Variants in CSNK1G1 observed in about 807,000 individuals in gnomAD.
CSNK1G1 encodes casein kinase I isoform gamma-1.
A neutral mutation model predicts 59.6 loss-of-function variants in CSNK1G1; 22 were observed. The ratio of observed to expected loss-of-function variants is 0.37; its 90% confidence interval spans 0.26 to 0.53. CSNK1G1 has a LOEUF of 0.53. CSNK1G1 is among the 20% of genes least tolerant of loss of function. The pLI is 0.89. For missense variants in CSNK1G1, 384 were observed against 519.5 expected, an observed-to-expected ratio of 0.74 and a Z score of 2.54; for synonymous variants, 179 against 177.1, an observed-to-expected ratio of 1.01 and a Z score of -0.08.
intron 2 of CSNK1G1, among the ~76,000 whole-genome samples, chr15:64,276,123 G>A (rs993828004): frequency 6.6e-6 from 1 of 152,060 alleles, no homozygotes; most frequent in Non-Finnish European, 1.5e-5. Flanking sequence ...CAAAAGAAAG[G>A]GAGAAGTTGA....
rs190238524 is a variant in CSNK1G1 at position 64,268,882 on chromosome 15, T to C, written c.182-9641A>G. ...ACAAATTATTGTAAAATTAAAATTC[T>C]AGCCTATGGTAATCATACATATGCA... is the stretch of plus-strand genomic sequence containing the variant. On this transcript the variant is annotated intron_variant, in intron 2 of 11. Transcript: ENST00000303052. Among the ~76,000 whole-genome samples, 33 of 152,334 alleles carry C rather than the reference T, an allele frequency of 2.2e-4. 1 individual carries two copies. Among genetic ancestry groups the C allele is most frequent in the Non-Finnish European group, 2.9e-5 (2 of 68,038 alleles).
chr15:64,203,454 T>C lies in CSNK1G1; in HGVS notation c.1000-265A>G, dbSNP rs538630098. Among the ~76,000 whole-genome samples the C allele has an allele frequency of 9.2e-5, 14 of 151,964 alleles. 1 individual carries two copies. The highest frequency in any genetic ancestry group is 1.5e-4 in the Non-Finnish European group (10 of 67,960). On this transcript the variant is annotated intron_variant, in intron 9 of 11. Coordinates refer to ENST00000303052, the MANE Select transcript of CSNK1G1 (RefSeq NM_022048.5). Reference sequence around the variant, plus strand: ...GGCTCGTGCCTGTAATCTCAGCACTTTGGGAGGCCGAGGTGAGTGGATCAC... The same window carrying C: ...GGCTCGTGCCTGTAATCTCAGCACTCTGGGAGGCCGAGGTGAGTGGATCAC...
chr15:64,225,538 G>A (rs1739964116), intron 4 of CSNK1G1, among the ~76,000 whole-genome samples: 1 of 152,118 alleles, frequency 6.6e-6, no homozygotes, highest in South Asian at 2.1e-4. Flanking sequence ...ACAGAATCCT[G>A]CCTCTGATTG....
Position 64,229,902 on chromosome 15 carries a change from A to ATTTTTTTTTTTTTTTTTTT in CSNK1G1, c.293-13208_293-13190dup, listed in dbSNP as rs533868270. Among the ~76,000 whole-genome samples, 87 of 43,800 alleles carry ATTTTTTTTTTTTTTTTTTT rather than the reference A, an allele frequency of 2.0e-3. 27 individuals are homozygous for ATTTTTTTTTTTTTTTTTTT. The highest frequency in any genetic ancestry group is 4.3e-3 in the East Asian group (4 of 934). The allele number at this position is 43,800 out of a possible 152,430, so 28.7% of individuals were successfully genotyped here. ...CCTATATTTTTGGGCATGTTTGTAA[A>ATTTTTTTTTTTTTTTTTTT]TTTTTTTTTTTTTTTTTTTTTTTTT... On this transcript the variant is annotated intron_variant, in intron 4 of 11. Transcript: ENST00000303052.
chr15:64,286,498 T>C (rs1049897169), intron 2 of CSNK1G1, among the ~76,000 whole-genome samples: 1 of 152,084 alleles, frequency 6.6e-6, no homozygotes, highest in Non-Finnish European at 1.5e-5. Flanking sequence ...ATTATAAATA[T>C]ATATAAGCTA....
chr15:64,186,752 T>C (rs1487126509), intron 10 of CSNK1G1, among the ~76,000 whole-genome samples: 1 of 152,170 alleles, frequency 6.6e-6, no homozygotes, highest in Non-Finnish European at 1.5e-5. Context: ...CAAGTGATCC[T>C]CCTGCCTAGG....
intron 1 of CSNK1G1, among the ~76,000 whole-genome samples, chr15:64,323,525 C>G (rs1896679422): frequency 6.6e-6 from 1 of 151,956 alleles, no homozygotes; most frequent in Non-Finnish European, 1.5e-5. Context: ...GCCACCACGC[C>G]CAGCTAATTT....
At position 64,277,638 on chromosome 15, in the gene CSNK1G1, A is replaced by AATATATTTAATAATATAGCAATATTG. The variant is rs1566930086; in HGVS notation, c.182-18423_182-18398dup. 2.5e-4 allele frequency among the ~76,000 whole-genome samples: 32 copies of AATATATTTAATAATATAGCAATATTG among 129,674 alleles called. 1 individual carries two copies. The highest frequency in any genetic ancestry group is 6.6e-4 in the African/African-American group (23 of 34,732). 85.1% of individuals were successfully genotyped at this position (129,674 alleles called of 152,430 possible). A position where few individuals can be genotyped will look rare whatever the true frequency, so the allele number is the denominator to read the frequency against. Reference sequence around the variant, plus strand: ...TTGGTATATTTAATATATTAATATTAATATATTTAATAATATAGCAATATT... The same window carrying AATATATTTAATAATATAGCAATATTG: ...TTGGTATATTTAATATATTAATATTAATATATTTAATAATATAGCAATATTGATATATTTAATAATATAGCAATATT... On this transcript the variant is annotated intron_variant, in intron 2 of 11. Transcript: ENST00000303052.
chr15:64,203,184 A>G lies in CSNK1G1; in HGVS notation c.1005T>C (p.Thr335=). 1 of 1,612,676 alleles carries G rather than the reference A, an allele frequency of 6.2e-7. No individual in the cohort carries two copies. The highest frequency in any genetic ancestry group is 8.5e-7 in the Non-Finnish European group (1 of 1,178,772). The stretch of plus-strand genomic sequence containing the variant: ...AATCTACGTGAACTGACCCTACTGG[A>G]GTAGGCTAGAAAAATGAAACAAAAA... ...AYDWVGRPIP[T]PVGSVHVDSG... is the part of the protein sequence containing the mutation. The change falls in exon 10 of 12, where the codon ACT becomes ACC. Residue 335 remains threonine, a synonymous_variant. Coordinates refer to ENST00000303052, the MANE Select transcript of CSNK1G1 (RefSeq NM_022048.5).
At chr15:64,265,758 A>G (rs1222298151) in intron 2 of CSNK1G1, 1 of 455,810 alleles carries the variant, frequency 2.2e-6, no homozygotes, top group Non-Finnish European at 4.4e-6. Context: ...ACTGAAGAAC[A>G]CACACACCAA....
chr15:64,331,241 A>T (rs1213018707), intron 1 of CSNK1G1, among the ~76,000 whole-genome samples: 2 of 132,560 alleles, frequency 1.5e-5, no homozygotes, highest in East Asian at 4.7e-4. Context: ...CCAAAAGAAC[A>T]AAGCTGGAGG....
At chr15:64,287,002 T>TA (rs1894461810) in intron 2 of CSNK1G1, among the ~76,000 whole-genome samples, 10 of 152,226 alleles carry the variant, frequency 6.6e-5, no homozygotes, top group Non-Finnish European at 1.3e-4. Flanking sequence ...TAAATGCTAA[T>TA]GACTATCATC....
intron 1 of CSNK1G1, among the ~76,000 whole-genome samples, chr15:64,324,867 G>A (rs1896762596): frequency 1.3e-5 from 2 of 152,042 alleles, no homozygotes; most frequent in Admixed American, 6.6e-5. Flanking sequence ...AAATGCACAT[G>A]GTATTATAAG....
chr15:64,187,273 C>T (rs1393097782), intron 10 of CSNK1G1, among the ~76,000 whole-genome samples: 1 of 152,060 alleles, frequency 6.6e-6, no homozygotes, highest in Non-Finnish European at 1.5e-5. Flanking sequence ...CTCACTGCAA[C>T]TTCTGCCTCC....
At chr15:64,355,756 C>T (rs1898626829) in intron 1 of CSNK1G1, among the ~76,000 whole-genome samples, 1 of 152,184 alleles carries the variant, frequency 6.6e-6, no homozygotes. Context: ...GAAGGGGCGC[C>T]TCCTCCGCCT....
chr15:64,344,760 A>G (rs1480870729), intron 1 of CSNK1G1, among the ~76,000 whole-genome samples: 2 of 152,210 alleles, frequency 1.3e-5, no homozygotes, highest in Non-Finnish European at 1.5e-5. Flanking sequence ...TAGCTGTACA[A>G]TCTTGAGCAA....
At chr15:64,295,392 C>A (rs1894967259) in intron 2 of CSNK1G1, among the ~76,000 whole-genome samples, 1 of 152,200 alleles carries the variant, frequency 6.6e-6, no homozygotes, top group African/African-American at 2.4e-5. Flanking sequence ...CAAGCTGGCA[C>A]ATTTAGTCAT....
At position 64,301,153 on chromosome 15, in the gene CSNK1G1, C is replaced by A. The variant is rs557202583; in HGVS notation, c.-224-430G>T. ...ACTATTCACTCCCCCATTCCCCTAT[C>A]CAAGCATTTACCAAGCACTAGCAAG... On this transcript the variant is annotated intron_variant, in intron 1 of 11. Transcript: ENST00000303052. 2.6e-5 allele frequency among the ~76,000 whole-genome samples: 4 copies of A among 152,296 alleles called. No individual in the cohort carries two copies. The East Asian group carries it at 7.7e-4, about 29-fold the overall frequency.
intron 1 of CSNK1G1, among the ~76,000 whole-genome samples, chr15:64,320,979 T>C (rs1762305503): frequency 6.6e-6 from 1 of 150,906 alleles, no homozygotes; most frequent in African/African-American, 2.5e-5. Context: ...TGTTTAAGAT[T>C]AAAAAGTATC....
Sources: allele counts gnomAD v4.1 joint callset (sites outside exome capture counted in the v4.1 genomes callset), GRCh38; gene constraint gnomAD v4.1.1; transcripts MANE v1.5; gene names NCBI Gene and HGNC (gene_info 2026-07-23, HGNC 2026-07-21).